Variants in RREB1 observed in about 807,000 individuals in gnomAD.
RREB1 encodes ras responsive element binding protein 1.
RREB1 carries 27 observed loss-of-function variants against 117.8 expected under a neutral mutation model. The ratio of observed to expected loss-of-function variants is 0.23; its 90% CI spans 0.17 to 0.32. The LOEUF is 0.32. Among genes scored for constraint, RREB1 ranks in the 10% least tolerant of loss-of-function variants. The pLI, the probability that RREB1 is intolerant of heterozygous loss-of-function variation, is 1.00. For synonymous variants in RREB1, 1,298 were observed against 1,026.7 expected, an observed-to-expected ratio of 1.26 and a Z score of -5.05; for missense variants, 2,577 against 2,378.2, an observed-to-expected ratio of 1.08 and a Z score of -1.74.
chr6:7,119,899 A>T (rs1050962294), intron 1 of RREB1, among the ~76,000 whole-genome samples: 2 of 152,038 alleles, frequency 1.3e-5, no homozygotes, highest in African/African-American at 4.8e-5. Context: ...GCTTAGAAGG[A>T]TTTGATAAAG....
intron 1 of RREB1, among the ~76,000 whole-genome samples, chr6:7,154,372 G>A (rs1210085111): frequency 6.6e-6 from 1 of 152,194 alleles, no homozygotes. Flanking sequence ...GCATACTAAA[G>A]TTTGAAAATG....
chr6:7,153,246 T>TA lies in RREB1; in HGVS notation c.-284-23402dup, dbSNP rs1554118494. ...GATTAGTAGAACTATTATTTTTTTT[T>TA]AAAAAAAGTAGCTTTGTGGTTAAAT... On this transcript the variant is annotated intron_variant, in intron 1 of 12. Coordinates refer to ENST00000379938, the MANE Select transcript of RREB1 (RefSeq NM_001003699.4). Among the ~76,000 whole-genome samples, 605 of 151,798 alleles carry TA rather than the reference T, an allele frequency of 4.0e-3. 1 individual carries two copies. Among genetic ancestry groups the TA allele is most frequent in the African/African-American group, 0.014 (558 of 41,308 alleles).
At chr6:7,122,179 A>G (rs563395444) in intron 1 of RREB1, among the ~76,000 whole-genome samples, 1 of 152,318 alleles carries the variant, frequency 6.6e-6, no homozygotes. Flanking sequence ...TAAGGTATCA[A>G]CCCTGATGGA....
rs4053178 is a variant in RREB1 at position 7,249,062 on chromosome 6, T to TGAGAGAGAGAGAGAGAGA, written c.*119_*136dup. On this transcript the variant is annotated 3_prime_UTR_variant, in exon 13 of 13. Coordinates refer to ENST00000379938, the MANE Select transcript of RREB1 (RefSeq NM_001003699.4). ...TCAGTGCCCTTTGGCTGTTGAGGAG[T>TGAGAGAGAGAGAGAGAGA]GAGAGAGAGAGAGAGAGAGAGAGAG... The TGAGAGAGAGAGAGAGAGA allele has an allele frequency of 5.5e-5, 31 of 568,310 alleles. No homozygotes were observed. Among genetic ancestry groups the TGAGAGAGAGAGAGAGAGA allele is most frequent in the African/African-American group, 2.6e-4 (13 of 49,666 alleles). The allele number at this position is 568,310 out of a possible 1,614,324, so 35.2% of individuals were successfully genotyped here.
At chr6:7,194,776 G>A (rs9392863) in intron 6 of RREB1, among the ~76,000 whole-genome samples, 29,624 of 152,088 alleles carry the variant, frequency 0.19, 3,398 homozygotes, top group Middle Eastern at 0.26. Context: ...GGGTTCTGAA[G>A]GTTTACAGTG....
chr6:7,135,736 T>A (rs760072263), intron 1 of RREB1, among the ~76,000 whole-genome samples: 16 of 152,202 alleles, frequency 1.1e-4, no homozygotes, highest in Non-Finnish European at 1.8e-4. Flanking sequence ...CTGTATATTT[T>A]CAAAAACATT....
intron 6 of RREB1, among the ~76,000 whole-genome samples, chr6:7,196,887 G>C (rs1765702597): frequency 6.6e-6 from 1 of 152,186 alleles, no homozygotes; most frequent in African/African-American, 2.4e-5. Flanking sequence ...CTGAGCAGAA[G>C]AGTAGGTTAC....
At chr6:7,146,851 G>T (rs1439660931) in intron 1 of RREB1, among the ~76,000 whole-genome samples, 1 of 151,960 alleles carries the variant, frequency 6.6e-6, no homozygotes, top group African/African-American at 2.4e-5. Flanking sequence ...CTGGTTGGAA[G>T]ATGTTTCTGA....
chr6:7,165,513 A>G (rs1214782971), intron 1 of RREB1, among the ~76,000 whole-genome samples: 1 of 152,224 alleles, frequency 6.6e-6, no homozygotes, highest in Non-Finnish European at 1.5e-5. Context: ...AAACAATTTC[A>G]TGTCATGAAA....
chr6:7,111,187 T>C (rs1355766156), intron 1 of RREB1, among the ~76,000 whole-genome samples: 4 of 152,240 alleles, frequency 2.6e-5, no homozygotes, highest in Non-Finnish European at 5.9e-5. Context: ...TGCCAGGCAC[T>C]GTACAGTGTA....
chr6:7,217,070 C>CCAGGGCCCTGTCA (rs1187352537), intron 8 of RREB1: 1 of 152,346 alleles, frequency 6.6e-6, no homozygotes, highest in Non-Finnish European at 1.5e-5. Context: ...GGCTGCCTGG[C>CCAGGGCCCTGTCA]CAGGGCCCTG....
intron 1 of RREB1, among the ~76,000 whole-genome samples, chr6:7,174,843 A>G (rs1008275277): frequency 6.6e-6 from 1 of 152,216 alleles, no homozygotes; most frequent in Non-Finnish European, 1.5e-5. Context: ...TCCTGACCTC[A>G]GGTGATCCAC....
rs1262719167 is a variant in RREB1 at position 7,226,476 on chromosome 6, T to G, written c.717T>G (p.Ile239Met). ...CCCTTTCCTCTCCTAGATGTGACAT[T>G]TGTTGTGTCACCTTTCGAACACATC... ...THSDNPLRCDICCVTFRTHRG... is the reference protein window; with the variant it reads ...THSDNPLRCDMCCVTFRTHRG... Residue 239 changes from isoleucine to methionine, a missense_variant, in exon 9 of 13, where the codon ATT becomes ATG. Ile to Met is a conservative substitution (Grantham distance 10, BLOSUM62 1). Transcript: ENST00000379938. 1 of 1,611,514 alleles carries G rather than the reference T, an allele frequency of 6.2e-7. No individual in the cohort carries two copies. Among genetic ancestry groups the G allele is most frequent in the African/African-American group, 1.3e-5 (1 of 74,868 alleles).
Position 7,249,172 on chromosome 6 carries a change from C to T in RREB1, c.*204C>T, listed in dbSNP as rs548392719. ...GCAGCCTGCGCGGGAGGCCACAGCC[C>T]GTGCCGATTCCAGTGCCTTAACTAC... On this transcript the variant is annotated 3_prime_UTR_variant, in exon 13 of 13. Coordinates refer to ENST00000379938, the MANE Select transcript of RREB1 (RefSeq NM_001003699.4). 4.7e-5 allele frequency: 24 copies of T among 512,040 alleles called. No homozygotes were observed. Among genetic ancestry groups the T allele is most frequent in the African/African-American group, 7.6e-5 (4 of 52,302 alleles). The allele number at this position is 512,040 out of a possible 1,614,324, so 31.7% of individuals were successfully genotyped here.
chr6:7,235,931 G>A (rs903939969), intron 10 of RREB1, among the ~76,000 whole-genome samples: 4 of 152,256 alleles, frequency 2.6e-5, no homozygotes, highest in African/African-American at 9.6e-5. Flanking sequence ...GTTTGATGAG[G>A]AAGCTGGCAG....
chr6:7,173,278 G>A (rs999599841), intron 1 of RREB1, among the ~76,000 whole-genome samples: 8 of 152,118 alleles, frequency 5.3e-5, no homozygotes, highest in African/African-American at 1.9e-4. Flanking sequence ...ACCCTCAGGA[G>A]GCTGGGGCGG....
intron 8 of RREB1, 50 bp from the exon 9 acceptor site, chr6:7,226,417 C>T (rs1767589433): frequency 1.4e-6 from 2 of 1,418,396 alleles, no homozygotes; most frequent in African/African-American, 1.4e-5. Context: ...TAACTGCTTC[C>T]TCATATGCTC....
At position 7,231,781 on chromosome 6, in the gene RREB1, G is replaced by A. The variant is rs141330588; in HGVS notation, c.3682G>A (p.Glu1228Lys). 7.3e-4 allele frequency: 1,172 copies of A among 1,613,688 alleles called. 1 individual carries two copies. Among genetic ancestry groups the A allele is most frequent in the Non-Finnish European group, 8.9e-4 (1,050 of 1,180,032 alleles). Residue 1228 changes from glutamate to lysine, a missense_variant, in exon 10 of 13, where the codon GAA (glutamate) becomes AAA (lysine). Glu to Lys is a moderately conservative substitution (Grantham distance 56). Coordinates refer to ENST00000379938, the MANE Select transcript of RREB1 (RefSeq NM_001003699.4). ...PSDEEQGSPP[E>K]DKLLRAKRNS... Reference sequence around the variant, plus strand: ...TGATGAAGAGCAGGGCAGTCCCCCAGAAGACAAGCTGCTGAGGGCCAAGCG... The same window carrying A: ...TGATGAAGAGCAGGGCAGTCCCCCAAAAGACAAGCTGCTGAGGGCCAAGCG...
intron 1 of RREB1, among the ~76,000 whole-genome samples, chr6:7,123,838 C>T (rs1205483893): frequency 6.6e-6 from 1 of 151,926 alleles, no homozygotes; most frequent in Non-Finnish European, 1.5e-5. Context: ...GTCTCAATCT[C>T]CTGACCTCGT....
Sources: allele counts gnomAD v4.1 joint callset (sites outside exome capture counted in the v4.1 genomes callset), GRCh38; gene constraint gnomAD v4.1.1; transcripts MANE v1.5; gene names NCBI Gene and HGNC (gene_info 2026-07-23, HGNC 2026-07-21).